Variants in IGSF11 observed in about 807,000 individuals in gnomAD.
IGSF11 encodes CXADR like 1.
IGSF11 carries 22 observed loss-of-function variants against 41.0 expected under a neutral mutation model. That is an observed-to-expected ratio of 0.54 (90% CI 0.38 to 0.77). IGSF11 has a LOEUF of 0.77. Ranked by LOEUF, IGSF11 falls within the 30% of genes least tolerant of loss-of-function variation. IGSF11 has a pLI of 0.00. For missense variants in IGSF11, 444 were observed against 530.8 expected (o/e 0.84, Z 1.61); for synonymous variants, 219 against 201.3 (o/e 1.09, Z -0.74).
intron 1 of IGSF11, among the ~76,000 whole-genome samples, chr3:118,991,267 G>C (rs540215732): frequency 6.6e-6 from 1 of 152,128 alleles, no homozygotes; most frequent in African/African-American, 2.4e-5. Flanking sequence ...ACACATACAG[G>C]GAACACCACT....
intron 1 of IGSF11, among the ~76,000 whole-genome samples, chr3:119,015,990 T>G (rs181736272): frequency 2.3e-3 from 355 of 152,074 alleles, no homozygotes; most frequent in Non-Finnish European, 3.6e-3. Flanking sequence ...GGGGTGCAGG[T>G]GCAAAACTCA....
intron 1 of IGSF11, among the ~76,000 whole-genome samples, chr3:119,065,095 A>G (rs1229801283): frequency 3.9e-5 from 6 of 152,160 alleles, no homozygotes; most frequent in Admixed American, 6.5e-5. Context: ...TTTCAGAGAG[A>G]AAGTTTTGAA....
chr3:119,026,010 C>T (rs567561661), intron 1 of IGSF11, among the ~76,000 whole-genome samples: 6 of 152,228 alleles, frequency 3.9e-5, no homozygotes, highest in South Asian at 2.1e-4. Context: ...GTGGCTCATG[C>T]CTGTAATCCC....
chr3:119,068,660 A>C (rs1942303183), intron 1 of IGSF11, among the ~76,000 whole-genome samples: 1 of 152,194 alleles, frequency 6.6e-6, no homozygotes, highest in Non-Finnish European at 1.5e-5. Flanking sequence ...TCTTCTCTCT[A>C]ATAAGAAAGT....
chr3:118,946,730 A>G (rs1395698861), intron 1 of IGSF11, among the ~76,000 whole-genome samples: 1 of 152,238 alleles, frequency 6.6e-6, no homozygotes. Context: ...AAGGTAAAAC[A>G]ATAAGAGTAC....
At chr3:118,980,647 T>C (rs752629124) in intron 1 of IGSF11, among the ~76,000 whole-genome samples, 12 of 152,126 alleles carry the variant, frequency 7.9e-5, no homozygotes, top group Non-Finnish European at 1.8e-4. Flanking sequence ...ACAACAATGG[T>C]TGTATTTTTC....
chr3:119,039,350 G>C (rs1286602466), upstream of IGSF11, among the ~76,000 whole-genome samples: 1 of 151,966 alleles, frequency 6.6e-6, no homozygotes, highest in Non-Finnish European at 1.5e-5. Flanking sequence ...ACTTTCCTTG[G>C]CTCATGGTCC....
At chr3:119,117,733 G>T (rs151242862) in intron 1 of IGSF11, among the ~76,000 whole-genome samples, 3,178 of 152,260 alleles carry the variant, frequency 0.021, 135 homozygotes, top group African/African-American at 0.073. Flanking sequence ...CTGAGACAAG[G>T]TTAGTCCCTT....
At chr3:119,132,901 T>C (rs1212208711) in intron 1 of IGSF11, among the ~76,000 whole-genome samples, 3 of 152,138 alleles carry the variant, frequency 2.0e-5, no homozygotes, top group African/African-American at 7.2e-5. Context: ...TAAAACTTAA[T>C]ACTAAGAAAC....
chr3:119,144,106 C>T (rs553519085), intron 1 of IGSF11, among the ~76,000 whole-genome samples: 1 of 151,592 alleles, frequency 6.6e-6, no homozygotes, highest in South Asian at 2.1e-4. Flanking sequence ...GGCTGCAGTG[C>T]AGTGGCACAA....
intron 1 of IGSF11, among the ~76,000 whole-genome samples, chr3:118,976,580 A>C (rs901318133): frequency 2.6e-5 from 4 of 152,210 alleles, no homozygotes; most frequent in African/African-American, 9.6e-5. Flanking sequence ...AAAGGAGAAC[A>C]AAACTCCTGC....
At chr3:118,931,636 A>G (rs1215399513) in intron 1 of IGSF11, among the ~76,000 whole-genome samples, 1 of 152,234 alleles carries the variant, frequency 6.6e-6, no homozygotes, top group African/African-American at 2.4e-5. Flanking sequence ...CCGGGGATAC[A>G]CAGGCATAGG....
chr3:119,115,305 G>A (rs1178769373), intron 1 of IGSF11, among the ~76,000 whole-genome samples: 1 of 152,296 alleles, frequency 6.6e-6, no homozygotes, highest in East Asian at 1.9e-4. Flanking sequence ...GCTATTTTTA[G>A]TTTTTTGAGG....
chr3:119,069,441 A>G (rs186026290), intron 1 of IGSF11, among the ~76,000 whole-genome samples: 2 of 152,284 alleles, frequency 1.3e-5, no homozygotes, highest in East Asian at 3.9e-4. Flanking sequence ...ATACTACATG[A>G]CCATTGTAGT....
At chr3:118,927,781 T>C (rs1465535472) in intron 3 of IGSF11, among the ~76,000 whole-genome samples, 1 of 152,208 alleles carries the variant, frequency 6.6e-6, no homozygotes, top group Non-Finnish European at 1.5e-5. Context: ...AGTATTCATT[T>C]AGAAAGCAGT....
At chr3:119,140,324 G>T (rs2077626276) in intron 1 of IGSF11, among the ~76,000 whole-genome samples, 1 of 152,020 alleles carries the variant, frequency 6.6e-6, no homozygotes, top group African/African-American at 2.4e-5. Context: ...GAGCTGGAGT[G>T]GCTATACTAT....
chr3:118,928,516 T>C lies in IGSF11; in HGVS notation c.417A>G (p.Thr139=). 6.2e-7 allele frequency: 1 copy of C among 1,611,942 alleles called. No individual in the cohort carries two copies. Among genetic ancestry groups the C allele is most frequent in the South Asian group, 1.1e-5 (1 of 90,992 alleles). The stretch of plus-strand genomic sequence containing the variant: ...GACTCTTGTGTCACTCACCTAACAC[T>C]GTGAGACCGGTGACCCCAATGTTCC... ...GGRNIGVTGL[T]VLVPPSAPHC... Residue 139 remains threonine (T), a synonymous_variant, in exon 3 of 7, where the codon ACA becomes ACG. Transcript: ENST00000393775.
chr3:119,092,733 T>C (rs114040582), intron 1 of IGSF11, among the ~76,000 whole-genome samples: 2,470 of 152,342 alleles, frequency 0.016, 36 homozygotes, highest in Non-Finnish European at 0.027. Context: ...CTTCTAGTCC[T>C]GCAAGCTCCA....
intron 1 of IGSF11, among the ~76,000 whole-genome samples, chr3:118,959,957 A>G (rs1264855600): frequency 6.6e-6 from 1 of 151,816 alleles, no homozygotes; most frequent in Non-Finnish European, 1.5e-5. Context: ...AGGCAGGAGA[A>G]TGGCGTGAAG....
Sources: gnomAD v4.1 joint callset for allele counts (sites outside exome capture counted in the v4.1 genomes callset) on GRCh38, gnomAD v4.1.1 for gene constraint, MANE v1.5 for transcripts, NCBI Gene and HGNC (gene_info 2026-07-23, HGNC 2026-07-21) for gene names.